ITGB5: variants seen among roughly 807,000 people sequenced by gnomAD.
ITGB5 encodes the protein integrin beta-5.
A neutral mutation model predicts 84.8 loss-of-function variants in ITGB5; 38 were observed. That is an observed-to-expected ratio of 0.45 (90% CI 0.35 to 0.59). The LOEUF (loss-of-function observed/expected upper bound fraction) is 0.59. ITGB5 is among the 20% of genes least tolerant of loss of function. ITGB5 has a pLI of 0.01. For missense variants in ITGB5, 905 were observed against 1,034.5 expected, an observed-to-expected ratio of 0.87 and a Z score of 1.72; for synonymous variants, 393 against 414.4, an observed-to-expected ratio of 0.95 and a Z score of 0.63.
chr3:124,873,331 A>G (rs2107639546), intron 2 of ITGB5, 115 bp downstream of exon 2: 1 of 786,278 alleles, frequency 1.3e-6, no homozygotes, highest in South Asian at 1.4e-5. Flanking sequence ...CAGCTTACAG[A>G]ATCTGCACAG....
In ITGB5 at chr3:124,764,413, C is replaced by G; in HGVS notation, c.2282G>C (p.Arg761Pro). ...TACCATTTCATAGCGGGCCCTGGATCGCTCGCTCTGAAACTTTGCAAACTC... is the reference window on the plus strand; with the variant it reads ...TACCATTTCATAGCGGGCCCTGGATGGCTCGCTCTGAAACTTTGCAAACTC... Reference protein sequence around the residue: ...RREFAKFQSERSRARYEMASN... With the variant: ...RREFAKFQSEPSRARYEMASN... Residue 761 changes from arginine to proline, a missense_variant, in exon 14 of 15, where the codon CGA (arginine) becomes CCA (proline). Coordinates refer to ENST00000296181, the MANE Select transcript of ITGB5 (RefSeq NM_002213.5). 2 of 1,612,520 alleles carry G rather than the reference C, an allele frequency of 1.2e-6. No individual in the cohort carries two copies. The highest frequency in any genetic ancestry group is 1.7e-6 in the Non-Finnish European group (2 of 1,178,642).
rs1559963083 is a variant in ITGB5 at position 124,841,422 on chromosome 3, C to T, written c.741G>A (p.Glu247=). 2 of 1,614,126 alleles carry T rather than the reference C, an allele frequency of 1.2e-6. No homozygotes were observed. The highest frequency in any genetic ancestry group is 8.5e-7 in the Non-Finnish European group (1 of 1,180,046). Residue 247 remains glutamate, a synonymous_variant, in exon 5 of 15, where the codon GAG becomes GAA. Coordinates refer to ENST00000296181, the MANE Select transcript of ITGB5 (RefSeq NM_002213.5). ...QRVSRNRDAP[E]GGFDAVLQAA... is the part of the protein sequence containing the mutation. ...CCTGGAGTACTGCATCAAAGCCCCC[C>T]TCAGGGGCATCTCGGTTCCGGGACA...
At chr3:124,767,768 TA>T (rs1487589554) in intron 12 of ITGB5, among the ~76,000 whole-genome samples, 2 of 152,206 alleles carry the variant, frequency 1.3e-5, no homozygotes, top group Non-Finnish European at 2.9e-5. Context: ...TGGATGCATA[TA>T]TAGCTCAAAT....
chr3:124,767,265 C>A (rs2063780567), intron 12 of ITGB5, among the ~76,000 whole-genome samples: 2 of 152,318 alleles, frequency 1.3e-5, no homozygotes, highest in South Asian at 4.1e-4. Flanking sequence ...AACCTTGCTG[C>A]TAGACGGAGC....
chr3:124,885,407 A>C (rs757289799), intron 1 of ITGB5, among the ~76,000 whole-genome samples: 1 of 152,240 alleles, frequency 6.6e-6, no homozygotes, highest in African/African-American at 2.4e-5. Context: ...AAAGAAAACT[A>C]AGATTTAAAA....
chr3:124,812,831 GC>G (rs1396022651), intron 8 of ITGB5, among the ~76,000 whole-genome samples: 1 of 152,154 alleles, frequency 6.6e-6, no homozygotes, highest in Admixed American at 6.5e-5. Flanking sequence ...TCCCTCCTCA[GC>G]CTGGCCAAAT....
At chr3:124,796,931 AC>A (rs1322875301) in intron 9 of ITGB5, 114 bp from the exon 10 acceptor site, 2 of 990,872 alleles carry the variant, frequency 2.0e-6, no homozygotes, top group Non-Finnish European at 2.9e-6. Context: ...CTCTCCACGC[AC>A]TCAGGTAGAA....
intron 9 of ITGB5, among the ~76,000 whole-genome samples, chr3:124,800,055 C>T (rs1219937492): frequency 6.6e-6 from 1 of 152,208 alleles, no homozygotes. Context: ...CCATCCCTCC[C>T]TTCTGAGGCC....
chr3:124,879,942 G>C (rs1055035931), intron 1 of ITGB5, among the ~76,000 whole-genome samples: 1 of 152,160 alleles, frequency 6.6e-6, no homozygotes. Flanking sequence ...GAGGCTTCTC[G>C]CTTGATATGA....
At chr3:124,778,643 G>A (rs2063958731) in intron 10 of ITGB5, among the ~76,000 whole-genome samples, 1 of 152,230 alleles carries the variant, frequency 6.6e-6, no homozygotes, top group African/African-American at 2.4e-5. Context: ...TAGTTGTGTG[G>A]GGACAGGCGG....
intron 4 of ITGB5, among the ~76,000 whole-genome samples, chr3:124,847,971 T>G (rs1474197447): frequency 6.6e-6 from 1 of 152,182 alleles, no homozygotes; most frequent in Admixed American, 6.5e-5. Flanking sequence ...GGGGAAAGTT[T>G]AAGTTGCCCT....
At chr3:124,790,507 G>C (rs2064134492) in intron 10 of ITGB5, among the ~76,000 whole-genome samples, 1 of 151,712 alleles carries the variant, frequency 6.6e-6, no homozygotes. Flanking sequence ...GACTAGACAG[G>C]GTTATCAGAA....
At chr3:124,866,825 G>A (rs2065398523) in intron 2 of ITGB5, among the ~76,000 whole-genome samples, 1 of 152,170 alleles carries the variant, frequency 6.6e-6, no homozygotes, top group Admixed American at 6.5e-5. Flanking sequence ...GCAACACACT[G>A]CCACGTATAC....
chr3:124,786,341 G>A (rs1473791811), intron 10 of ITGB5, among the ~76,000 whole-genome samples: 2 of 151,920 alleles, frequency 1.3e-5, no homozygotes, highest in Non-Finnish European at 1.5e-5. Flanking sequence ...GTTTGAGGCT[G>A]CAGTAGGCTA....
intron 5 of ITGB5, among the ~76,000 whole-genome samples, chr3:124,823,651 A>G (rs1330765100): frequency 4.7e-5 from 7 of 149,172 alleles, no homozygotes; most frequent in Non-Finnish European, 1.5e-5. Flanking sequence ...AATATATATA[A>G]ACTATATATA....
intron 3 of ITGB5, among the ~76,000 whole-genome samples, chr3:124,853,815 G>C (rs1379915201): frequency 6.6e-6 from 1 of 152,056 alleles, no homozygotes; most frequent in African/African-American, 2.4e-5. Flanking sequence ...AGCGGAGAAG[G>C]GTACATAGAA....
intron 10 of ITGB5, among the ~76,000 whole-genome samples, chr3:124,795,889 C>A (rs1366648778): frequency 6.6e-6 from 1 of 152,180 alleles, no homozygotes; most frequent in Non-Finnish European, 1.5e-5. Flanking sequence ...TTGATTCTAG[C>A]CAAATAAGAT....
At chr3:124,808,554 TAG>T (rs2064446685) in intron 9 of ITGB5, among the ~76,000 whole-genome samples, 2 of 152,228 alleles carry the variant, frequency 1.3e-5, no homozygotes, top group Non-Finnish European at 2.9e-5. Flanking sequence ...TCCACTGCTG[TAG>T]AGTCATCCAT....
At position 124,848,528 on chromosome 3, in the gene ITGB5, C is replaced by T. The variant is rs137976767; in HGVS notation, c.392G>A (p.Arg131His). The T allele has an allele frequency of 2.2e-4, 349 of 1,613,286 alleles. No individual in the cohort carries two copies. The highest frequency in any genetic ancestry group is 2.8e-4 in the Non-Finnish European group (330 of 1,179,894). ...GDKTTFQLQVRQVEDYPVDLY... is the reference protein window; with the variant it reads ...GDKTTFQLQVHQVEDYPVDLY... The stretch of plus-strand genomic sequence containing the variant: ...GTCCACAGGATAGTCCTCCACCTGG[C>T]GAACCTGTAGCTGGAAGGTGGTCTT... The change falls in exon 4 of 15, where the codon CGC (arginine) becomes CAC (histidine). Residue 131 changes from arginine (R) to histidine (H), a missense_variant. By Grantham distance (29) the Arg-to-His change is conservative. Around this residue, in one of 3 missense-constraint regions of ITGB5, gnomAD observed 656 missense variants for 734.7 expected, o/e 0.89. Transcript: ENST00000296181.
Sources: gnomAD v4.1 joint callset for allele counts (sites outside exome capture counted in the v4.1 genomes callset) on GRCh38, gnomAD v4.1.1 for gene constraint, gnomAD v4.1.1 regional missense constraint, MANE v1.5 for transcripts, NCBI Gene and HGNC (gene_info 2026-07-23, HGNC 2026-07-21) for gene names.